The following CXXC5 variants were observed in gnomAD, a reference collection of about 807,000 sequenced individuals.
CXXC5 encodes CXXC-type zinc finger protein 5.
A neutral mutation model predicts 17.6 loss-of-function variants in CXXC5; 2 were observed. That is an observed-to-expected ratio of 0.11 (90% confidence interval 0.05 to 0.36). The LOEUF is 0.36. Among genes scored for constraint, CXXC5 ranks in the 10% least tolerant of loss-of-function variants. The probability of loss-of-function intolerance (pLI) is 1.00; values close to 1 mark genes in which losing one functional copy is unlikely to be tolerated. For synonymous variants in CXXC5, 171 were observed against 193.0 expected (o/e 0.89, Z 0.94); for missense variants, 343 against 458.3 (o/e 0.75, Z 2.30).
chr5:139,650,041 A>T (rs1021168458), intron 1 of CXXC5, among the ~76,000 whole-genome samples: 1 of 152,232 alleles, frequency 6.6e-6, no homozygotes, highest in Non-Finnish European at 1.5e-5. Flanking sequence ...GACCTGTCAG[A>T]AGAGCTGAAA....
Position 139,661,736 on chromosome 5 carries a change from C to T in CXXC5, c.-161+12891C>T, listed in dbSNP as rs190088704. 8.3e-4 allele frequency among the ~76,000 whole-genome samples: 126 copies of T among 152,380 alleles called. No individual in the cohort carries two copies. The highest frequency in any genetic ancestry group is 1.5e-3 in the Non-Finnish European group (102 of 68,040). On this transcript the variant is annotated intron_variant, in intron 1 of 2. Coordinates refer to ENST00000302517, the MANE Select transcript of CXXC5 (RefSeq NM_016463.9). The surrounding 1 kb of genome is among the most constrained non-coding windows in gnomAD (Gnocchi z 4.7). ...GTGGTCAGGGCTCTGTTCCCCTAGACGCCCCGTGTTTAGGCTTACACGGAA... is the reference window on the plus strand; with the variant it reads ...GTGGTCAGGGCTCTGTTCCCCTAGATGCCCCGTGTTTAGGCTTACACGGAA...
intron 1 of CXXC5, among the ~76,000 whole-genome samples, chr5:139,673,198 G>A (rs904271548): frequency 2.0e-5 from 3 of 152,180 alleles, no homozygotes; most frequent in African/African-American, 4.8e-5. Context: ...CAGAGATTGG[G>A]TATGAGGATA....
At chr5:139,655,589 C>G (rs1027281164) in intron 1 of CXXC5, among the ~76,000 whole-genome samples, 8 of 152,098 alleles carry the variant, frequency 5.3e-5, no homozygotes, top group African/African-American at 1.9e-4. Context: ...CACCCTTCAT[C>G]TCTTCGGGAT....
In CXXC5 at chr5:139,661,669, A is replaced by G. The variant is rs1042232377; in HGVS notation, c.-161+12824A>G. Among the ~76,000 whole-genome samples, 1 of 152,202 alleles carries G rather than the reference A, an allele frequency of 6.6e-6. No homozygotes were observed. The highest frequency in any genetic ancestry group is 2.4e-5 in the African/African-American group (1 of 41,454). ...CCATAGCTTACCCCTAGATGATGCC[A>G]TAGAGTGGGCCAGGGCACTGGCACA... On this transcript the variant is annotated intron_variant, in intron 1 of 2. Coordinates refer to ENST00000302517, the MANE Select transcript of CXXC5 (RefSeq NM_016463.9). The surrounding 1 kb of genome is among the most constrained non-coding windows in gnomAD (Gnocchi z 4.7).
rs535062855 is a variant in CXXC5, at chr5:139,663,267, A to G, written c.-161+14422A>G. 6.6e-6 allele frequency among the ~76,000 whole-genome samples: 1 copy of G among 152,224 alleles called. No individual in the cohort carries two copies. The highest frequency in any genetic ancestry group is 2.1e-4 in the South Asian group (1 of 4,828). ...AGGCTTTCTCTGTCTCCCACCCCCTATGCTCACACAGCAAGGCTATATGTT... is the reference window on the plus strand; with the variant it reads ...AGGCTTTCTCTGTCTCCCACCCCCTGTGCTCACACAGCAAGGCTATATGTT... On this transcript the variant is annotated intron_variant, in intron 1 of 2. Transcript: ENST00000302517. This position sits in a 1 kb window ranked among gnomAD's most constrained non-coding sequence, Gnocchi z 4.2.
chr5:139,679,668 A>G (rs977159336), intron 1 of CXXC5: 2 of 151,836 alleles, frequency 1.3e-5, no homozygotes, highest in African/African-American at 4.8e-5. Context: ...TTTTTTTCTT[A>G]TTTTTATTTT....
rs1354542849 is a variant in CXXC5, at chr5:139,680,686, C to G, written c.163C>G (p.Pro55Ala). The G allele has an allele frequency of 1.9e-6, 3 of 1,613,202 alleles. No individual in the cohort carries two copies. The highest frequency in any genetic ancestry group is 2.2e-5 in the South Asian group (2 of 91,088). ...APASVADDTP[P>A]PERRNKSGII... ...AGCCTCAGTGGCAGATGACACACCA[C>G]CCCCCGAGCGTCGGAACAAGAGCGG... The change falls in exon 2 of 3, where the codon CCC (proline) becomes GCC (alanine). Residue 55 changes from proline (P) to alanine (A), a missense_variant. By Grantham distance (27) the Pro-to-Ala change is conservative. Transcript: ENST00000302517.
chr5:139,676,271 A>G (rs1054266976), intron 1 of CXXC5, among the ~76,000 whole-genome samples: 1 of 19,434 alleles, frequency 5.1e-5, no homozygotes, highest in Non-Finnish European at 9.1e-5. Flanking sequence ...CCTTCTTGCC[A>G]CCCTCCTCCC....
Position 139,683,824 on chromosome 5 carries a change from A to G in CXXC5, c.*917A>G, listed in dbSNP as rs767359412. 6.6e-6 allele frequency: 1 copy of G among 152,266 alleles called. No individual in the cohort carries two copies. The highest frequency in any genetic ancestry group is 2.4e-5 in the African/African-American group (1 of 41,336). 9.4% of individuals were successfully genotyped at this position (152,266 alleles called of 1,614,324 possible). On this transcript the variant is annotated 3_prime_UTR_variant, in exon 3 of 3. Transcript: ENST00000302517. ...TCCTGCTGATGAACATGCTGTTTGTATTGTTTTAGGAAACCAGGCTGTTTT... is the reference window on the plus strand; with the variant it reads ...TCCTGCTGATGAACATGCTGTTTGTGTTGTTTTAGGAAACCAGGCTGTTTT...
intron 1 of CXXC5, among the ~76,000 whole-genome samples, chr5:139,652,161 C>T (rs2336877): frequency 0.014 from 1,821 of 126,404 alleles, 25 homozygotes; most frequent in African/African-American, 0.032. Context: ...CGCGCGCGCG[C>T]GCGCGCGCGC....
chr5:139,660,857 T>C (rs1755761843), intron 1 of CXXC5, among the ~76,000 whole-genome samples: 1 of 142,860 alleles, frequency 7.0e-6, no homozygotes, highest in South Asian at 2.3e-4. Context: ...AGAAATATCC[T>C]CCCCCCACCC....
intron 1 of CXXC5, among the ~76,000 whole-genome samples, chr5:139,662,314 G>A (rs1755864014): frequency 6.6e-6 from 1 of 152,154 alleles, no homozygotes; most frequent in African/African-American, 2.4e-5. Flanking sequence ...GGAAGTCCTG[G>A]GGTGCTGAGA....
At chr5:139,664,361 C>T (rs1176689957) in intron 1 of CXXC5, among the ~76,000 whole-genome samples, 1 of 152,150 alleles carries the variant, frequency 6.6e-6, no homozygotes, top group Non-Finnish European at 1.5e-5. Flanking sequence ...GGCTCCATTT[C>T]CCTCTCCTGG....
At position 139,668,664 on chromosome 5, in the gene CXXC5, A is replaced by G. The variant is rs1455905004; in HGVS notation, c.-160-11700A>G. On this transcript the variant is annotated intron_variant, in intron 1 of 2. Transcript: ENST00000302517. This position sits in a 1 kb window ranked among gnomAD's most constrained non-coding sequence, Gnocchi z 4.1. Reference sequence around the variant, plus strand: ...CCCATCGTGGCGTGCAGGTCTGAGTAGGCTCTGGGCCATGCCGGGGTACCT... The same window carrying G: ...CCCATCGTGGCGTGCAGGTCTGAGTGGGCTCTGGGCCATGCCGGGGTACCT... Among the ~76,000 whole-genome samples, 2 of 152,084 alleles carry G rather than the reference A, an allele frequency of 1.3e-5. No individual in the cohort carries two copies. Among genetic ancestry groups the G allele is most frequent in the South Asian group, 2.1e-4 (1 of 4,824 alleles).
intron 1 of CXXC5, among the ~76,000 whole-genome samples, chr5:139,672,056 G>C (rs978746089): frequency 2.3e-4 from 35 of 152,300 alleles, no homozygotes; most frequent in Non-Finnish European, 1.3e-4. Flanking sequence ...ACAGTGCCTG[G>C]TGGACAGTGA....
Position 139,672,781 on chromosome 5 carries a change from G to A in CXXC5, c.-160-7583G>A, listed in dbSNP as rs760704319. ...AAATGGGAAACTGAGGCTTAGTGGC[G>A]GAAAGAGCTTGGTCAAAGTCACCAG... On this transcript the variant is annotated intron_variant, in intron 1 of 2. Coordinates refer to ENST00000302517, the MANE Select transcript of CXXC5 (RefSeq NM_016463.9). Among the ~76,000 whole-genome samples, 26 of 152,280 alleles carry A rather than the reference G, an allele frequency of 1.7e-4. No homozygotes were observed. The South Asian group carries it at 1.9e-3, about 11-fold the overall frequency.
Position 139,681,169 on chromosome 5 carries a change from A to G in CXXC5, c.646A>G (p.Ile216Val), listed in dbSNP as rs777854394. ...SDFPYLGAFP[I>V]NPGLFIMTPA... ...CTTCCCCTACCTGGGCGCTTTCCCC[A>G]TCAACCCAGGCCTCTTCATTATGAC... Residue 216 changes from isoleucine to valine, a missense_variant, in exon 2 of 3, where the codon ATC becomes GTC. Ile to Val is a conservative substitution (Grantham distance 29). Coordinates refer to ENST00000302517, the MANE Select transcript of CXXC5 (RefSeq NM_016463.9). The G allele has an allele frequency of 8.1e-6, 13 of 1,612,726 alleles. No individual in the cohort carries two copies. The highest frequency in any genetic ancestry group is 2.2e-5 in the East Asian group (1 of 44,884).
intron 1 of CXXC5, among the ~76,000 whole-genome samples, chr5:139,679,063 A>G (rs1465671768): frequency 6.6e-6 from 1 of 152,224 alleles, no homozygotes; most frequent in Non-Finnish European, 1.5e-5. Flanking sequence ...GGAGGTGGCC[A>G]GAGGACAGGC....
Position 139,648,819 on chromosome 5 carries a change from T to TGGCGGC in CXXC5, c.-186_-181dup, listed in dbSNP as rs1439807582. 1.3e-5 allele frequency: 2 copies of TGGCGGC among 152,466 alleles called. No homozygotes were observed. The highest frequency in any genetic ancestry group is 2.9e-5 in the Non-Finnish European group (2 of 68,366). 9.4% of individuals were successfully genotyped at this position (152,466 alleles called of 1,614,324 possible). A position where few individuals can be genotyped will look rare whatever the true frequency, so the allele number is the denominator to read the frequency against. ...CTCGGCCTCGCGGCGACGGCGGCGG[T>TGGCGGC]GGCGGCTTGGACGACTCGGAGAGCC... On this transcript the variant is annotated 5_prime_UTR_variant, in exon 1 of 3. Coordinates refer to ENST00000302517, the MANE Select transcript of CXXC5 (RefSeq NM_016463.9).
Sources: allele counts gnomAD v4.1 joint callset (sites outside exome capture counted in the v4.1 genomes callset), GRCh38; gene constraint gnomAD v4.1.1; non-coding constraint Gnocchi (gnomAD v3.1); transcripts MANE v1.5; gene names NCBI Gene and HGNC (gene_info 2026-07-23, HGNC 2026-07-21).